Variants in ROBO2 observed in about 807,000 individuals in gnomAD.
The protein encoded by ROBO2 is roundabout homolog 2.
In ROBO2, 53 loss-of-function variants were observed where a neutral mutation model predicts 160.8. The observed-to-expected ratio is 0.33, with a 90% CI of 0.26 to 0.41. ROBO2 has a LOEUF of 0.41. Among genes scored for constraint, ROBO2 ranks in the 10% least tolerant of loss-of-function variants. ROBO2 has a pLI of 1.00. For missense variants in ROBO2, 1,577 were observed against 1,722.4 expected (o/e 0.92, Z 1.49); for synonymous variants, 664 against 611.7 (o/e 1.09, Z -1.26).
intron 2 of ROBO2, among the ~76,000 whole-genome samples, chr3:76,939,979 A>AT (rs71104641): frequency 0.076 from 9,197 of 120,334 alleles, 647 homozygotes; most frequent in Middle Eastern, 0.14. Context: ...AAGCAACAGG[A>AT]TTTTTTTTTT....
chr3:77,284,716 T>G (rs962475821), intron 2 of ROBO2, among the ~76,000 whole-genome samples: 3 of 152,104 alleles, frequency 2.0e-5, no homozygotes, highest in Non-Finnish European at 4.4e-5. Context: ...GTGAGTAATG[T>G]AAACACTCTA....
At chr3:76,257,268 TTTC>T (rs2107579924) in intron 2 of ROBO2, among the ~76,000 whole-genome samples, 1 of 151,682 alleles carries the variant, frequency 6.6e-6, no homozygotes, top group Non-Finnish European at 1.5e-5. Flanking sequence ...TAAATCAAAG[TTTC>T]TTCTATGTGT....
At chr3:76,039,720 T>TC (rs2067224026) in intron 2 of ROBO2, among the ~76,000 whole-genome samples, 1 of 152,034 alleles carries the variant, frequency 6.6e-6, no homozygotes. Flanking sequence ...TAGATATTTG[T>TC]CAGTCTAAAC....
At chr3:76,594,774 A>G (rs2086636585) in intron 2 of ROBO2, among the ~76,000 whole-genome samples, 1 of 152,078 alleles carries the variant, frequency 6.6e-6, no homozygotes, top group Non-Finnish European at 1.5e-5. Context: ...TTTGAGGTCA[A>G]TACTGCGAAC....
chr3:77,162,834 CT>C (rs1243207426), intron 2 of ROBO2, among the ~76,000 whole-genome samples: 1 of 151,596 alleles, frequency 6.6e-6, no homozygotes, highest in South Asian at 2.1e-4. Context: ...TTTTTCTTTT[CT>C]TTTTTTTCTT....
chr3:76,510,313 T>C (rs2081019490), intron 2 of ROBO2, among the ~76,000 whole-genome samples: 2 of 152,170 alleles, frequency 1.3e-5, no homozygotes, highest in South Asian at 2.1e-4. Flanking sequence ...TGGACAGTGA[T>C]GTAAGTGTGA....
chr3:77,431,055 C>A (rs1163766747), intron 2 of ROBO2, among the ~76,000 whole-genome samples: 3 of 152,160 alleles, frequency 2.0e-5, no homozygotes, highest in African/African-American at 7.2e-5. Flanking sequence ...TAATTACATT[C>A]TTTAAACTGG....
chr3:76,534,113 GT>G (rs980805414), intron 2 of ROBO2, among the ~76,000 whole-genome samples: 1 of 151,878 alleles, frequency 6.6e-6, no homozygotes, highest in African/African-American at 2.4e-5. Flanking sequence ...CTTCTGGGGA[GT>G]TTTTTTTGGA....
At chr3:76,708,630 T>A (rs2093221987) in intron 2 of ROBO2, among the ~76,000 whole-genome samples, 1 of 152,302 alleles carries the variant, frequency 6.6e-6, no homozygotes. Context: ...CTATCATAGG[T>A]CATCAGAATT....
chr3:76,065,218 A>G (rs1390849847), intron 2 of ROBO2, among the ~76,000 whole-genome samples: 1 of 152,104 alleles, frequency 6.6e-6, no homozygotes. Flanking sequence ...CCTCCCAAAA[A>G]TGCTTTAAAC....
chr3:77,298,751 T>A (rs1658393692), intron 2 of ROBO2, among the ~76,000 whole-genome samples: 2 of 152,228 alleles, frequency 1.3e-5, no homozygotes, highest in African/African-American at 4.8e-5. Context: ...ACAAATTTGT[T>A]ATTCATTCCT....
chr3:76,272,819 TTTATATATAAAATATATATATTATATA>T (rs1298409342), intron 2 of ROBO2, among the ~76,000 whole-genome samples: 1 of 25,642 alleles, frequency 3.9e-5, no homozygotes, highest in African/African-American at 1.1e-4. Flanking sequence ...ATAATATGTA[TTTATATATAAAATATATATATTATATA>T]TTATATATAA....
At chr3:77,088,494 A>G (rs1371664782) in intron 1 of ROBO2, among the ~76,000 whole-genome samples, 1 of 152,192 alleles carries the variant, frequency 6.6e-6, no homozygotes, top group Non-Finnish European at 1.5e-5. Flanking sequence ...CTGTCAATCC[A>G]TCACTTAGGT....
chr3:76,902,740 A>G (rs2148883572), intron 2 of ROBO2, among the ~76,000 whole-genome samples: 1 of 151,282 alleles, frequency 6.6e-6, no homozygotes, highest in East Asian at 1.9e-4. Context: ...ACCACTATCC[A>G]ATTCTTATTA....
In ROBO2 at chr3:76,863,488, C is replaced by A. The variant is rs573769468; in HGVS notation, c.110-234526C>A. Among the ~76,000 whole-genome samples the A allele has an allele frequency of 1.7e-3, 254 of 150,910 alleles. 2 individuals carry two copies. Among genetic ancestry groups the A allele is most frequent in the Non-Finnish European group, 3.0e-3 (200 of 67,668 alleles). ...AGAAAGAAAATAAAGCAGAAAAAAA[C>A]CAAATCATTTGAGTTATCTATTACG... On this transcript the variant is annotated intron_variant, in intron 2 of 26. Coordinates refer to the ROBO2 transcript ENST00000487694.
chr3:76,885,834 T>C (rs1158241313), intron 2 of ROBO2, among the ~76,000 whole-genome samples: 1 of 152,142 alleles, frequency 6.6e-6, no homozygotes, highest in Non-Finnish European at 1.5e-5. Flanking sequence ...GGCACATTTT[T>C]CCTGCCTCCT....
At chr3:75,925,407 A>G (rs1204068181) in intron 1 of ROBO2, among the ~76,000 whole-genome samples, 1 of 152,092 alleles carries the variant, frequency 6.6e-6, no homozygotes, top group African/African-American at 2.4e-5. Flanking sequence ...TAAATAGATA[A>G]ATAAATAAAA....
chr3:76,815,506 C>T (rs2065588871), intron 2 of ROBO2, among the ~76,000 whole-genome samples: 1 of 151,670 alleles, frequency 6.6e-6, no homozygotes, highest in Non-Finnish European at 1.5e-5. Flanking sequence ...AAATATTGTA[C>T]CCAGCGTAGG....
intron 2 of ROBO2, among the ~76,000 whole-genome samples, chr3:77,116,802 C>A (rs768021075): frequency 6.6e-6 from 1 of 152,066 alleles, no homozygotes; most frequent in Non-Finnish European, 1.5e-5. Flanking sequence ...GGTAAGTTGA[C>A]CAGTCAGTGA....
Sources: allele counts gnomAD v4.1 joint callset (sites outside exome capture counted in the v4.1 genomes callset), GRCh38; gene constraint gnomAD v4.1.1; transcripts MANE v1.5; gene names NCBI Gene and HGNC (gene_info 2026-07-23, HGNC 2026-07-21).